The following RC3H2 variants were observed in gnomAD, a reference collection of about 807,000 sequenced individuals.
The protein encoded by RC3H2 is roquin-2.
A neutral mutation model predicts 133.3 loss-of-function variants in RC3H2; 31 were observed. The ratio of observed to expected loss-of-function variants is 0.23; its 90% CI spans 0.17 to 0.31. The LOEUF (loss-of-function observed/expected upper bound fraction) is 0.31, where lower values mean the gene tolerates loss of function less well. Among genes scored for constraint, RC3H2 ranks in the 10% least tolerant of loss-of-function variants. The pLI is 1.00. For missense variants in RC3H2, 1,175 were observed against 1,437.2 expected, an observed-to-expected ratio of 0.82 and a Z score of 2.95; for synonymous variants, 517 against 502.2, an observed-to-expected ratio of 1.03 and a Z score of -0.40.
At chr9:122,875,076 G>A (rs965342041) in intron 9 of RC3H2, 3 of 1,244,070 alleles carry the variant, frequency 2.4e-6, no homozygotes, top group Non-Finnish European at 3.2e-6. Flanking sequence ...CAAGCTGAAT[G>A]TATTTCCTGG....
At chr9:122,869,068 G>C (rs545231938) in intron 9 of RC3H2, among the ~76,000 whole-genome samples, 15 of 151,736 alleles carry the variant, frequency 9.9e-5, no homozygotes, top group Non-Finnish European at 1.9e-4. Flanking sequence ...ACCACGCCTG[G>C]TTAACTTTTG....
At chr9:122,858,168 A>C in intron 12 of RC3H2, 75 bp from the exon 13 acceptor site, 1 of 1,381,926 alleles carries the variant, frequency 7.2e-7, no homozygotes, top group Non-Finnish European at 1.0e-6. Flanking sequence ...AAAATGATGT[A>C]AACAGTTTAT....
chr9:122,851,045 T>A (rs1473871585), intron 20 of RC3H2, 36 bp downstream of exon 20: 2 of 1,611,596 alleles, frequency 1.2e-6, no homozygotes. Context: ...TTATGTCCTA[T>A]GCCCACTGTT....
At chr9:122,884,819 C>CA (rs1831831422) in intron 4 of RC3H2, among the ~76,000 whole-genome samples, 1 of 150,730 alleles carries the variant, frequency 6.6e-6, no homozygotes, top group Non-Finnish European at 1.5e-5. Context: ...CGCCACTGCA[C>CA]TCCAGCCTGG....
intron 4 of RC3H2, among the ~76,000 whole-genome samples, chr9:122,889,948 T>C (rs563933404): frequency 3.3e-5 from 5 of 152,196 alleles, no homozygotes; most frequent in Non-Finnish European, 5.9e-5. Context: ...TCCAGACCAG[T>C]CTGGCCAACA....
chr9:122,868,344 T>G (rs148946841), intron 9 of RC3H2, among the ~76,000 whole-genome samples: 1 of 151,160 alleles, frequency 6.6e-6, no homozygotes. Context: ...ATGGTTGCCG[T>G]GTCTGTGTGG....
intron 3 of RC3H2, among the ~76,000 whole-genome samples, chr9:122,891,362 T>C (rs1015670000): frequency 1.3e-5 from 2 of 152,092 alleles, no homozygotes; most frequent in Non-Finnish European, 2.9e-5. Context: ...GCAAATTTTC[T>C]AGAGTTGTCT....
chr9:122,864,392 A>T (rs1830561923), intron 10 of RC3H2, among the ~76,000 whole-genome samples: 1 of 152,206 alleles, frequency 6.6e-6, no homozygotes, highest in Non-Finnish European at 1.5e-5. Flanking sequence ...ATAATAATAA[A>T]GCAAATATTT....
chr9:122,869,968 G>A (rs1010996191), intron 9 of RC3H2, among the ~76,000 whole-genome samples: 5 of 152,102 alleles, frequency 3.3e-5, no homozygotes, highest in African/African-American at 1.2e-4. Flanking sequence ...TTGTCTGGAG[G>A]GGCCCAAAGA....
chr9:122,868,884 TGTGTGTATGTG>T (rs1230858981), intron 9 of RC3H2, among the ~76,000 whole-genome samples: 621 of 20,398 alleles, frequency 0.03, 15 homozygotes, highest in Non-Finnish European at 0.084. Context: ...TGTGTGTGTG[TGTGTGTATGTG>T]TTTTTTTTTT....
intron 10 of RC3H2, among the ~76,000 whole-genome samples, chr9:122,862,297 T>C (rs573828555): frequency 3.9e-5 from 6 of 152,334 alleles, no homozygotes; most frequent in South Asian, 2.1e-4. Context: ...TTGGAACTTA[T>C]AGAAAAAGCT....
At chr9:122,874,617 A>G (rs1444742661) in intron 9 of RC3H2, 1 of 152,342 alleles carries the variant, frequency 6.6e-6, no homozygotes, top group Non-Finnish European at 1.5e-5. Context: ...TCCCGAGTTC[A>G]AGCAATCCTC....
Position 122,854,576 on chromosome 9 carries a change from C to G in RC3H2, c.2855G>C (p.Ser952Thr). Residue 952 changes from serine to threonine, a missense_variant, in exon 16 of 21, where the codon AGT (serine) becomes ACT (threonine). Ser to Thr is a moderately conservative substitution (Grantham distance 58). Transcript: ENST00000357244. ...TGATGTGGCCTCGTTGCCATATGAACTCCACCTTGAATCAACAGCATTGAC... is the reference window on the plus strand; with the variant it reads ...TGATGTGGCCTCGTTGCCATATGAAGTCCACCTTGAATCAACAGCATTGAC... Reference protein sequence around the residue: ...PYVNAVDSRWSSYGNEATSSA... With the variant: ...PYVNAVDSRWTSYGNEATSSA... The G allele has an allele frequency of 6.2e-7, 1 of 1,613,710 alleles. No homozygotes were observed. The highest frequency in any genetic ancestry group is 1.3e-5 in the African/African-American group (1 of 75,028).
chr9:122,853,426 C>A (rs1377290976), intron 18 of RC3H2, among the ~76,000 whole-genome samples: 3 of 149,582 alleles, frequency 2.0e-5, no homozygotes, highest in Admixed American at 1.3e-4. Flanking sequence ...ACCTGTGGAA[C>A]CTGGGGTTTC....
chr9:122,892,015 G>C (rs1382246758), intron 3 of RC3H2, among the ~76,000 whole-genome samples: 4 of 152,112 alleles, frequency 2.6e-5, no homozygotes, highest in African/African-American at 9.7e-5. Context: ...ACATGAAGCT[G>C]TCTTAATAGG....
chr9:122,903,062 T>A (rs1260009791), intron 1 of RC3H2, among the ~76,000 whole-genome samples: 1 of 152,126 alleles, frequency 6.6e-6, no homozygotes, highest in African/African-American at 2.4e-5. Flanking sequence ...TCTTCAACTG[T>A]CACATGTGGC....
chr9:122,850,434 C>CGA (rs1829976455), intron 20 of RC3H2, among the ~76,000 whole-genome samples: 1 of 96,828 alleles, frequency 1.0e-5, no homozygotes, highest in Admixed American at 1.2e-4. Context: ...TGCTATCTAT[C>CGA]TATAGATAGA....
At chr9:122,890,289 G>T (rs377050254) in intron 4 of RC3H2, 23 bp downstream of exon 4, 1 of 1,598,502 alleles carries the variant, frequency 6.3e-7, no homozygotes, top group South Asian at 1.1e-5. Context: ...TAATAAAAAA[G>T]GTAAGATAGT....
intron 4 of RC3H2, 149 bp downstream of exon 4, chr9:122,890,160 TAAC>T (rs909798732): frequency 2.1e-5 from 14 of 674,206 alleles, no homozygotes; most frequent in South Asian, 7.2e-5. Context: ...AAAACAGCAA[TAAC>T]AACAACAACA....
Sources: allele counts gnomAD v4.1 joint callset (sites outside exome capture counted in the v4.1 genomes callset), GRCh38; gene constraint gnomAD v4.1.1; transcripts MANE v1.5; gene names NCBI Gene and HGNC (gene_info 2026-07-23, HGNC 2026-07-21).